The following SCFD1 variants were observed in gnomAD, a reference collection of about 807,000 sequenced individuals.
SCFD1 encodes sec1 family domain containing 1, also known as sec1 family domain-containing protein 1.
In SCFD1, 37 loss-of-function variants were observed where a neutral mutation model predicts 103.2. The ratio of observed to expected loss-of-function variants is 0.36; its 90% confidence interval spans 0.28 to 0.47. The LOEUF (loss-of-function observed/expected upper bound fraction) is 0.47. Among genes scored for constraint, SCFD1 ranks in the 20% least tolerant of loss-of-function variants. SCFD1 has a pLI of 1.00. For synonymous variants in SCFD1, 264 were observed against 245.0 expected, an observed-to-expected ratio of 1.08 and a Z score of -0.73; for missense variants, 639 against 761.2, an observed-to-expected ratio of 0.84 and a Z score of 1.89.
chr14:30,640,823 T>C (rs1479342311), intron 6 of SCFD1, among the ~76,000 whole-genome samples: 2 of 152,168 alleles, frequency 1.3e-5, no homozygotes, highest in Non-Finnish European at 1.5e-5. Flanking sequence ...AATATTCGTA[T>C]ACTTATAAGT....
intron 11 of SCFD1, among the ~76,000 whole-genome samples, chr14:30,672,493 T>A (rs536343512): frequency 3.3e-5 from 5 of 152,314 alleles, no homozygotes; most frequent in Middle Eastern, 3.4e-3. Context: ...TAATGAGACA[T>A]GACCTTTTCT....
chr14:30,638,347 GAAC>G, intron 5 of SCFD1, 100 bp downstream of exon 5: 1 of 1,523,712 alleles, frequency 6.6e-7, no homozygotes, highest in Non-Finnish European at 9.0e-7. Flanking sequence ...CAGATGACCA[GAAC>G]AACAGAATTG....
At chr14:30,654,129 G>T (rs1340512670) in intron 10 of SCFD1, 1 of 152,360 alleles carries the variant, frequency 6.6e-6, no homozygotes, top group African/African-American at 2.4e-5. Flanking sequence ...ACATACACAG[G>T]TGATAAAACA....
chr14:30,623,135 T>A (rs1283639498), intron 1 of SCFD1, among the ~76,000 whole-genome samples: 1 of 152,200 alleles, frequency 6.6e-6, no homozygotes. Flanking sequence ...CATGACAACT[T>A]GGTTTATACC....
intron 14 of SCFD1, chr14:30,676,537 G>A (rs1384077973): frequency 6.6e-6 from 1 of 152,196 alleles, no homozygotes; most frequent in East Asian, 1.9e-4. Context: ...AGTTGAGACA[G>A]GAATCACAGA....
intron 24 of SCFD1, 131 bp from the exon 25 acceptor site, chr14:30,735,455 G>A: frequency 1.4e-6 from 1 of 689,762 alleles, no homozygotes; most frequent in Non-Finnish European, 2.6e-6. Context: ...TGAACATTAA[G>A]ATTTATTATT....
At chr14:30,714,402 A>G (rs531468871) in intron 19 of SCFD1, among the ~76,000 whole-genome samples, 35 of 152,264 alleles carry the variant, frequency 2.3e-4, no homozygotes, top group Admixed American at 1.0e-3. Context: ...CACCTTTAAA[A>G]AAAAAAATTC....
At chr14:30,710,076 A>G (rs1345271246) in intron 19 of SCFD1, among the ~76,000 whole-genome samples, 4 of 152,188 alleles carry the variant, frequency 2.6e-5, no homozygotes, top group African/African-American at 2.4e-5. Flanking sequence ...TATATCCCCT[A>G]TGATACCTGT....
chr14:30,672,453 A>T (rs1271868356), intron 11 of SCFD1, among the ~76,000 whole-genome samples: 1 of 152,190 alleles, frequency 6.6e-6, no homozygotes. Context: ...GTCAGAGCTG[A>T]GGAAGGGGGG....
chr14:30,650,271 AGT>A (rs33923085), intron 8 of SCFD1, among the ~76,000 whole-genome samples: 49,163 of 151,918 alleles, frequency 0.32, 8,984 homozygotes, highest in East Asian at 0.6. Flanking sequence ...TTAGGAAAAG[AGT>A]GTGCGTCATT....
intron 23 of SCFD1, among the ~76,000 whole-genome samples, chr14:30,731,102 T>C (rs1893429157): frequency 2.0e-5 from 3 of 152,216 alleles, no homozygotes; most frequent in Non-Finnish European, 4.4e-5. Context: ...ATTTATTAAA[T>C]AGGGAACCCA....
intron 9 of SCFD1, among the ~76,000 whole-genome samples, chr14:30,650,857 T>C (rs1451697740): frequency 1.3e-5 from 2 of 152,126 alleles, no homozygotes; most frequent in Non-Finnish European, 2.9e-5. Context: ...TTTCTAAGCA[T>C]TTTATCATCT....
chr14:30,645,890 A>G (rs1885772891), intron 7 of SCFD1, among the ~76,000 whole-genome samples: 1 of 152,084 alleles, frequency 6.6e-6, no homozygotes, highest in Non-Finnish European at 1.5e-5. Context: ...TCCTTGTCTT[A>G]TTCAAGTTCT....
At position 30,634,573 on chromosome 14, in the gene SCFD1, TA is replaced by T. The variant is rs550875891; in HGVS notation, c.312+537del. On this transcript the variant is annotated intron_variant, in intron 4 of 24. Transcript: ENST00000458591. ...CCCCTGCAAATAAGGGCAACCACTG[TA>T]CTGGTAAAGTCTGAGTCTGGCTTTA... Among the ~76,000 whole-genome samples the T allele has an allele frequency of 1.9e-3, 294 of 152,268 alleles. 3 individuals carry two copies. The highest frequency in any genetic ancestry group is 7.0e-3 in the South Asian group (34 of 4,824).
At chr14:30,696,744 G>A (rs1890728513) in intron 15 of SCFD1, among the ~76,000 whole-genome samples, 1 of 152,172 alleles carries the variant, frequency 6.6e-6, no homozygotes, top group Admixed American at 6.5e-5. Flanking sequence ...GGGCCTAGGT[G>A]AGGTGAGACG....
intron 7 of SCFD1, among the ~76,000 whole-genome samples, chr14:30,647,453 G>A (rs921037181): frequency 6.6e-6 from 1 of 150,816 alleles, no homozygotes; most frequent in Non-Finnish European, 1.5e-5. Flanking sequence ...TCTTTCTCCT[G>A]TGTGCCATGT....
At chr14:30,673,625 G>C (rs946788823) in intron 12 of SCFD1, among the ~76,000 whole-genome samples, 1 of 152,124 alleles carries the variant, frequency 6.6e-6, no homozygotes, top group Non-Finnish European at 1.5e-5. Context: ...TCAGATTTCA[G>C]CTCTACTGTT....
intron 1 of SCFD1, among the ~76,000 whole-genome samples, chr14:30,623,494 A>G: frequency 6.6e-6 from 1 of 152,190 alleles, no homozygotes; most frequent in East Asian, 1.9e-4. Flanking sequence ...GCATAACTAA[A>G]TATAGGGAAG....
At position 30,662,041 on chromosome 14, in the gene SCFD1, T is replaced by C. The variant is rs957944477; in HGVS notation, c.856-8215T>C. ...CAAAAAGTGATGAAACTCACAGCTT[T>C]TATTTTACAATTAAAATCTTAAGTA... is the stretch of plus-strand genomic sequence containing the variant. On this transcript the variant is annotated intron_variant, in intron 10 of 24. Coordinates refer to ENST00000458591, the MANE Select transcript of SCFD1 (RefSeq NM_016106.4). 2.6e-5 allele frequency among the ~76,000 whole-genome samples: 4 copies of C among 152,280 alleles called. No homozygotes were observed. The South Asian group carries it at 8.3e-4, about 32-fold the overall frequency.
Sources: allele counts gnomAD v4.1 joint callset (sites outside exome capture counted in the v4.1 genomes callset), GRCh38; gene constraint gnomAD v4.1.1; transcripts MANE v1.5; gene names NCBI Gene and HGNC (gene_info 2026-07-23, HGNC 2026-07-21).